The following ACTR8 variants were observed in gnomAD, a reference collection of about 807,000 sequenced individuals.
ACTR8 encodes the protein actin-related protein 8.
In ACTR8, 70 loss-of-function variants were observed where a neutral mutation model predicts 84.3. The ratio of observed to expected loss-of-function variants is 0.83; its 90% CI spans 0.68 to 1.01. ACTR8 has a LOEUF of 1.01. Ranked by LOEUF, ACTR8 falls within the 50% of genes least tolerant of loss-of-function variation. The pLI is 0.00. For missense variants in ACTR8, 672 were observed against 775.4 expected, an observed-to-expected ratio of 0.87 and a Z score of 1.58; for synonymous variants, 268 against 275.2, an observed-to-expected ratio of 0.97 and a Z score of 0.26.
rs1471195484 is a variant in ACTR8 at position 53,867,247 on chromosome 3, T to C, written c.*1472A>G. ...GGTGAAGAACTGTTTAACAGAAATATATTATGTTTTTGCAAACAGGCAGCT... is the reference window on the plus strand; with the variant it reads ...GGTGAAGAACTGTTTAACAGAAATACATTATGTTTTTGCAAACAGGCAGCT... On this transcript the variant is annotated 3_prime_UTR_variant, in exon 13 of 13. Transcript: ENST00000335754. 1 of 152,202 alleles carries C rather than the reference T, an allele frequency of 6.6e-6. No homozygotes were observed. The highest frequency in any genetic ancestry group is 1.5e-5 in the Non-Finnish European group (1 of 68,026). The allele number at this position is 152,202 out of a possible 1,614,324, so 9.4% of individuals were successfully genotyped here. A position where few individuals can be genotyped will look rare whatever the true frequency, so the allele number is the denominator to read the frequency against.
chr3:53,876,618 A>G lies in ACTR8; in HGVS notation c.778+2T>C, dbSNP rs761925942. 6.5e-7 allele frequency: 1 copy of G among 1,540,052 alleles called. No individual in the cohort carries two copies. Among genetic ancestry groups the G allele is most frequent in the South Asian group, 1.2e-5 (1 of 85,804 alleles). The stretch of plus-strand genomic sequence containing the variant: ...TAGGTTTCACTGGGATATCAGACAT[A>G]CCTGAAAAACCCATCTTCATTAGTA... On this transcript the variant is annotated splice_donor_variant, in intron 6 of 12. Transcript: ENST00000335754. LOFTEE classifies it high-confidence loss of function.
chr3:53,875,902 T>G, intron 7 of ACTR8, 46 bp downstream of exon 7: 2 of 1,612,384 alleles, frequency 1.2e-6, no homozygotes, highest in South Asian at 1.1e-5. Flanking sequence ...TTGAACAGAT[T>G]ATGAGGGAAG....
downstream of ACTR8, chr3:53,865,042 C>G (rs188917846): frequency 2.9e-5 from 47 of 1,614,184 alleles, no homozygotes; most frequent in Non-Finnish European, 5.1e-6. Flanking sequence ...CGAGGGCAGT[C>G]CCAGTGAGAA....
chr3:53,872,526 T>C lies in ACTR8; in HGVS notation c.1162-2A>G. 6.3e-7 allele frequency: 1 copy of C among 1,590,390 alleles called. No homozygotes were observed. Among genetic ancestry groups the C allele is most frequent in the Non-Finnish European group, 8.5e-7 (1 of 1,172,624 alleles). ...GGGGTAAAACAAAGCCATTGGAGCC[T>C]GTACATGAAGAAAAAGAGTGATCAA... is the stretch of plus-strand genomic sequence containing the variant. On this transcript the variant is annotated splice_acceptor_variant, in intron 9 of 12. Transcript: ENST00000335754. LOFTEE classifies it high-confidence loss of function.
chr3:53,859,158 T>C, the ACTR8 span: 23 of 173,724 alleles, frequency 1.3e-4, no homozygotes, highest in Non-Finnish European at 1.8e-4. Flanking sequence ...TGAGAATGAA[T>C]ATTTCACTAT....
At chr3:53,872,248 T>C (rs1379791381) in intron 10 of ACTR8, 136 bp downstream of exon 10, 2 of 1,035,014 alleles carry the variant, frequency 1.9e-6, no homozygotes, top group Non-Finnish European at 2.6e-6. Flanking sequence ...CAGACTTCAG[T>C]TCATCTACAA....
rs1376278151 is a variant in ACTR8 at position 53,867,236 on chromosome 3, T to C, written c.*1483A>G. 1 of 152,246 alleles carries C rather than the reference T, an allele frequency of 6.6e-6. No homozygotes were observed. Among genetic ancestry groups the C allele is most frequent in the East Asian group, 1.9e-4 (1 of 5,202 alleles). The allele number at this position is 152,246 out of a possible 1,614,324, so 9.4% of individuals were successfully genotyped here. Reference sequence around the variant, plus strand: ...ATATGCTGTTAGGTGAAGAACTGTTTAACAGAAATATATTATGTTTTTGCA... The same window carrying C: ...ATATGCTGTTAGGTGAAGAACTGTTCAACAGAAATATATTATGTTTTTGCA... On this transcript the variant is annotated 3_prime_UTR_variant, in exon 13 of 13. Transcript: ENST00000335754.
Position 53,870,214 on chromosome 3 carries a change from A to G in ACTR8, c.1568-69T>C. 6.4e-7 allele frequency: 1 copy of G among 1,558,028 alleles called. No individual in the cohort carries two copies. Among genetic ancestry groups the G allele is most frequent in the South Asian group, 1.2e-5 (1 of 84,598 alleles). On this transcript the variant is annotated intron_variant, in intron 11 of 12. Transcript: ENST00000335754. This position sits in a 1 kb window ranked among gnomAD's most constrained non-coding sequence, Gnocchi z 4.1. Reference sequence around the variant, plus strand: ...CATAATTCTAGGCCAAGCCACCAACACCTCTTGCTTGAGCAAGTGCAATAG... The same window carrying G: ...CATAATTCTAGGCCAAGCCACCAACGCCTCTTGCTTGAGCAAGTGCAATAG...
Position 53,868,685 on chromosome 3 carries a change from T to C in ACTR8, c.*34A>G. On this transcript the variant is annotated 3_prime_UTR_variant, in exon 13 of 13. Coordinates refer to ENST00000335754, the MANE Select transcript of ACTR8 (RefSeq NM_022899.5). ...AGAGTCTTTTATACCAAGAAGCTTG[T>C]TTTTGGTCTTCGGCAGTGACATTTC... 1 of 1,603,410 alleles carries C rather than the reference T, an allele frequency of 6.2e-7. No individual in the cohort carries two copies. Among genetic ancestry groups the C allele is most frequent in the South Asian group, 1.1e-5 (1 of 89,536 alleles).
chr3:53,875,372 T>G (rs897663521), intron 7 of ACTR8, among the ~76,000 whole-genome samples: 2 of 152,180 alleles, frequency 1.3e-5, no homozygotes, highest in African/African-American at 2.4e-5. Flanking sequence ...CACAAAATGC[T>G]TCAGAGAGCC....
chr3:53,869,418 C>A (rs1010837276), intron 12 of ACTR8, among the ~76,000 whole-genome samples: 1 of 152,164 alleles, frequency 6.6e-6, no homozygotes, highest in Non-Finnish European at 1.5e-5. Context: ...TACACAGGAA[C>A]ATATATAAAT....
chr3:53,868,951 C>A, intron 12 of ACTR8, 89 bp from the exon 13 acceptor site: 1 of 1,498,970 alleles, frequency 6.7e-7, no homozygotes, highest in South Asian at 1.3e-5. Context: ...AAAATCCCTG[C>A]TGAGTCAATA....
chr3:53,872,141 C>T (rs569100809), intron 10 of ACTR8, among the ~76,000 whole-genome samples: 14 of 152,170 alleles, frequency 9.2e-5, no homozygotes, highest in Non-Finnish European at 2.9e-5. Context: ...ATGATATACA[C>T]CAAAAGGAAA....
At chr3:53,863,690 C>T (rs962087208), downstream of ACTR8, among the ~76,000 whole-genome samples, 1 of 152,114 alleles carries the variant, frequency 6.6e-6, no homozygotes, top group Non-Finnish European at 1.5e-5. Context: ...GAAACTCTAC[C>T]ACCTGCAGGT....
downstream of ACTR8, chr3:53,864,801 T>G: frequency 6.2e-7 from 1 of 1,614,092 alleles, no homozygotes; most frequent in Non-Finnish European, 8.5e-7. Flanking sequence ...CCATTAAGGT[T>G]CTTGTGGTTT....
chr3:53,869,489 A>G (rs1699851095), intron 12 of ACTR8, among the ~76,000 whole-genome samples: 1 of 152,236 alleles, frequency 6.6e-6, no homozygotes, highest in African/African-American at 2.4e-5. Flanking sequence ...TCCCTCCCTC[A>G]GGATTAAAAA....
the ACTR8 span, chr3:53,860,157 C>G: frequency 3.7e-6 from 6 of 1,613,876 alleles, no homozygotes; most frequent in Non-Finnish European, 5.1e-6. Flanking sequence ...GGCTGGCTGC[C>G]TCTCCTCCTG....
rs938427600 is a variant in ACTR8, at chr3:53,867,203, T to A, written c.*1516A>T. On this transcript the variant is annotated 3_prime_UTR_variant, in exon 13 of 13. Transcript: ENST00000335754. ...TCCTTTGAAACAGCTCTACCAGTTATAAGAGCAATATGCTGTTAGGTGAAG... is the reference window on the plus strand; with the variant it reads ...TCCTTTGAAACAGCTCTACCAGTTAAAAGAGCAATATGCTGTTAGGTGAAG... The A allele has an allele frequency of 6.6e-6, 1 of 152,256 alleles. No individual in the cohort carries two copies. Among genetic ancestry groups the A allele is most frequent in the Admixed American group, 6.5e-5 (1 of 15,288 alleles). The allele number at this position is 152,256 out of a possible 1,614,324, so 9.4% of individuals were successfully genotyped here. A position where few individuals can be genotyped will look rare whatever the true frequency, so the allele number is the denominator to read the frequency against.
downstream of ACTR8, chr3:53,865,073 T>A (rs370331617): frequency 1.9e-6 from 3 of 1,614,032 alleles, no homozygotes; most frequent in African/African-American, 4.0e-5. Flanking sequence ...CTCTTCCCCC[T>A]TGCCTTTAAC....
Sources: gnomAD v4.1 joint callset for allele counts (sites outside exome capture counted in the v4.1 genomes callset) on GRCh38, gnomAD v4.1.1 for gene constraint, Gnocchi (gnomAD v3.1) non-coding constraint, MANE v1.5 for transcripts, NCBI Gene and HGNC (gene_info 2026-07-23, HGNC 2026-07-21) for gene names.